The following ATM variants were observed in gnomAD, a reference collection of about 807,000 sequenced individuals.
ATM encodes ATM serine/threonine kinase.
A neutral mutation model predicts 387.0 loss-of-function variants in ATM; 308 were observed. The observed-to-expected ratio is 0.80, with a 90% CI of 0.73 to 0.87. The LOEUF is 0.87. Among genes scored for constraint, ATM ranks in the 40% least tolerant of loss-of-function variants. The probability of loss-of-function intolerance (pLI) is 0.00; values close to 1 mark genes in which losing one functional copy is unlikely to be tolerated. For synonymous variants in ATM, 1,156 were observed against 1,187.3 expected, an observed-to-expected ratio of 0.97 and a Z score of 0.54; for missense variants, 3,312 against 3,560.9, an observed-to-expected ratio of 0.93 and a Z score of 1.78.
At chr11:108,322,148 CTTTTT>C (rs533024262) in intron 45 of ATM, among the ~76,000 whole-genome samples, 1 of 151,680 alleles carries the variant, frequency 6.6e-6, no homozygotes, top group African/African-American at 2.4e-5. Flanking sequence ...GTTTTGTTTT[CTTTTT>C]TTTCTTTTTA....
intron 5 of ATM, among the ~76,000 whole-genome samples, chr11:108,243,606 C>G (rs1048586729): frequency 8.5e-5 from 13 of 152,100 alleles, no homozygotes; most frequent in African/African-American, 2.9e-4. Flanking sequence ...GAGCAAGATT[C>G]TGTCTCAAAA....
chr11:108,281,254 C>T, intron 24 of ATM, 86 bp downstream of exon 24: 1 of 1,388,016 alleles, frequency 7.2e-7, no homozygotes, highest in Non-Finnish European at 1.0e-6. Flanking sequence ...TTCTGAGTGG[C>T]ACTTATTTAA....
rs866237072 is a variant in ATM at position 108,351,087 on chromosome 11, A to G, written c.8672-2679A>G. Among the ~76,000 whole-genome samples, 3 of 152,248 alleles carry G rather than the reference A, an allele frequency of 2.0e-5. No homozygotes were observed. In the East Asian group the frequency reaches 5.8e-4, roughly 29 times the overall value. On this transcript the variant is annotated intron_variant, in intron 59 of 62. Coordinates refer to ENST00000675843, the MANE Select transcript of ATM (RefSeq NM_000051.4). Reference sequence around the variant, plus strand: ...CTTTGTATATAATGAGATTGAATGAATAATAACACACAATATAGAAGACTC... The same window carrying G: ...CTTTGTATATAATGAGATTGAATGAGTAATAACACACAATATAGAAGACTC...
chr11:108,278,428 T>TG, intron 22 of ATM, among the ~76,000 whole-genome samples: 1 of 152,186 alleles, frequency 6.6e-6, no homozygotes, highest in East Asian at 1.9e-4. Flanking sequence ...AAACTGAAGA[T>TG]TCAAAAAGTA....
chr11:108,313,932 A>G (rs1565496028), intron 40 of ATM, among the ~76,000 whole-genome samples: 1 of 152,174 alleles, frequency 6.6e-6, no homozygotes, highest in Non-Finnish European at 1.5e-5. Context: ...TAAACAGAAT[A>G]TATCTTTTCT....
chr11:108,311,929 A>G (rs747370850), intron 39 of ATM, among the ~76,000 whole-genome samples: 3 of 152,180 alleles, frequency 2.0e-5, no homozygotes, highest in African/African-American at 4.8e-5. Context: ...CTGACTGTCA[A>G]ACTTTCTAGT....
chr11:108,233,414 CAAA>C (rs1450655518), intron 4 of ATM, among the ~76,000 whole-genome samples: 2 of 151,624 alleles, frequency 1.3e-5, no homozygotes, highest in African/African-American at 4.8e-5. Context: ...TACAAAAACA[CAAA>C]AATTAGCCAG....
chr11:108,355,712 C>A (rs1296113257), intron 61 of ATM: 1 of 152,180 alleles, frequency 6.6e-6, no homozygotes, highest in Non-Finnish European at 1.5e-5. Flanking sequence ...CAAATTCAAA[C>A]CAGGTTTCTA....
At position 108,247,071 on chromosome 11, in the gene ATM, C is replaced by T. The variant is rs138398778; in HGVS notation, c.1009C>T (p.Arg337Cys). 8.9e-5 allele frequency: 144 copies of T among 1,613,688 alleles called. No individual in the cohort carries two copies. The highest frequency in any genetic ancestry group is 3.2e-4 in the Admixed American group (19 of 59,982). ...GSRGKYSSGF[R>C]NIAVKENLIE... The stretch of plus-strand genomic sequence containing the variant: ...TAGAGGAAAGTATTCTTCAGGATTT[C>T]GTAATATTGCCGTCAAAGAAAATTT... The change falls in exon 8 of 63, where the codon CGT becomes TGT. Residue 337 changes from arginine to cysteine, a missense_variant. Arg to Cys is a radical substitution (Grantham distance 180, BLOSUM62 -3). Transcript: ENST00000675843.
chr11:108,232,527 C>CCTTTTTTTTTTTTTTTTT (rs2079062867), intron 4 of ATM, among the ~76,000 whole-genome samples: 1 of 58,178 alleles, frequency 1.7e-5, no homozygotes, highest in African/African-American at 6.5e-5. Flanking sequence ...GATTTCTCTC[C>CCTTTTTTTTTTTTTTTTT]TTTTTTTTTT....
intron 61 of ATM, among the ~76,000 whole-genome samples, chr11:108,360,090 A>G (rs1325338584): frequency 1.6e-4 from 25 of 151,610 alleles, no homozygotes; most frequent in Non-Finnish European, 2.1e-4. Context: ...TCAAATAGAC[A>G]CAATAAAAAA....
intron 4 of ATM, among the ~76,000 whole-genome samples, chr11:108,234,555 G>C (rs773294375): frequency 6.6e-6 from 1 of 152,132 alleles, no homozygotes; most frequent in Non-Finnish European, 1.5e-5. Flanking sequence ...CAGGTACAGG[G>C]GTCAAGCACA....
At chr11:108,251,779 T>A in intron 10 of ATM, 58 bp from the exon 11 acceptor site, 1 of 1,546,116 alleles carries the variant, frequency 6.5e-7, no homozygotes, top group Non-Finnish European at 8.9e-7. Context: ...TCCTGATAGA[T>A]AAAGTCTTTG....
Position 108,229,323 on chromosome 11 carries a change from A to C in ATM, c.331A>C (p.Arg111=). 1 of 1,612,694 alleles carries C rather than the reference A, an allele frequency of 6.2e-7. No individual in the cohort carries two copies. Among genetic ancestry groups the C allele is most frequent in the Non-Finnish European group, 8.5e-7 (1 of 1,179,172 alleles). Residue 111 remains arginine (R), a splice_region_variant and synonymous_variant, in exon 4 of 63, where the codon AGA becomes CGA. Transcript: ENST00000675843. ...ATACTTCATCAAATGTGCAAACAGA[A>C]GTAAGTGATGTTATAAATTATAAAT... ...VKYFIKCANR[R]APRLKCQELL...
Position 108,335,049 on chromosome 11 carries a change from T to C in ATM, c.8091T>C (p.Asn2697=), listed in dbSNP as rs756887364. ...KAEFRLAGGV[N]LPKIIDCVGS... ...AATTTCGCTTAGCAGGAGGTGTAAA[T>C]TTACCAAAAATAATAGATTGTGTAG... Residue 2697 remains asparagine, a synonymous_variant, in exon 55 of 63, where the codon AAT becomes AAC. Coordinates refer to ENST00000675843, the MANE Select transcript of ATM (RefSeq NM_000051.4). The C allele has an allele frequency of 9.3e-6, 15 of 1,613,966 alleles. No homozygotes were observed. The South Asian group carries it at 1.6e-4, about 18-fold the overall frequency.
At chr11:108,262,508 G>A (rs1421237283) in intron 16 of ATM, among the ~76,000 whole-genome samples, 9 of 152,054 alleles carry the variant, frequency 5.9e-5, no homozygotes, top group South Asian at 4.1e-4. Context: ...AGGAACAACC[G>A]GTACCAGCCG....
At chr11:108,280,392 G>A (rs2082170550) in intron 23 of ATM, among the ~76,000 whole-genome samples, 1 of 152,140 alleles carries the variant, frequency 6.6e-6, no homozygotes, top group Non-Finnish European at 1.5e-5. Flanking sequence ...TTACCAAAAA[G>A]GCTAACTCTG....
intron 45 of ATM, 61 bp from the exon 46 acceptor site, chr11:108,325,249 G>GTTTTTTTT (rs11366542): frequency 5.3e-6 from 3 of 566,214 alleles, no homozygotes; most frequent in Admixed American, 6.4e-5. Flanking sequence ...AACTTACATA[G>GTTTTTTTT]TTTTTTTTTT....
Position 108,257,626 on chromosome 11 carries a change from G to A in ATM, c.2376+20G>A, listed in dbSNP as rs140364468. On this transcript the variant is annotated intron_variant, in intron 15 of 62. Transcript: ENST00000675843. ...ACCAAGGTAAGATTTTCTTCTTCTT[G>A]TTTTGTTTTTTGAGATAGGATCTTT... 6.2e-7 allele frequency: 1 copy of A among 1,611,320 alleles called. No homozygotes were observed. Among genetic ancestry groups the A allele is most frequent in the Non-Finnish European group, 8.5e-7 (1 of 1,179,304 alleles).
Sources: allele counts gnomAD v4.1 joint callset (sites outside exome capture counted in the v4.1 genomes callset), GRCh38; gene constraint gnomAD v4.1.1; transcripts MANE v1.5; gene names NCBI Gene and HGNC (gene_info 2026-07-23, HGNC 2026-07-21).